NBPF26: variants seen among roughly 807,000 people sequenced by gnomAD.
NBPF26 encodes NBPF member 26.
NBPF26 carries 79 observed loss-of-function variants against 119.6 expected under a neutral mutation model. The observed-to-expected ratio is 0.66, with a 90% CI of 0.55 to 0.80. NBPF26 has a LOEUF of 0.80. NBPF26 is among the 30% of genes least tolerant of loss of function. The pLI is 0.00. For missense variants in NBPF26, 800 were observed against 1,198.2 expected, an observed-to-expected ratio of 0.67 and a Z score of 4.91; for synonymous variants, 299 against 457.7, an observed-to-expected ratio of 0.65 and a Z score of 4.43.
intron 1 of NBPF26, among the ~76,000 whole-genome samples, chr1:120,752,672 G>A (rs1482360616): frequency 2.3e-5 from 1 of 43,494 alleles, no homozygotes; most frequent in Non-Finnish European, 3.6e-5. Flanking sequence ...CCGGGTTCAT[G>A]CCATTCTCCT....
At chr1:120,842,127 TG>T (rs1165485048), downstream of NBPF26, among the ~76,000 whole-genome samples, 1 of 110,372 alleles carries the variant, frequency 9.1e-6, no homozygotes, top group East Asian at 2.2e-4. Context: ...ACTTTTGGAT[TG>T]TTTTTTACAT....
rs1369700797 is a variant in NBPF26, at chr1:120,816,832, C to T, written c.2371+5C>T. On this transcript the variant is annotated splice_donor_5th_base_variant and intron_variant, in intron 14 of 29. Coordinates refer to ENST00000620612, the Ensembl canonical transcript of NBPF26. ...ATGCTGTACACATTATTCCAGGTAG[C>T]CTCTGTTTTCCTTGTGTCTCATACC... 24 of 1,447,786 alleles carry T rather than the reference C, an allele frequency of 1.7e-5. 3 individuals carry two copies. Among genetic ancestry groups the T allele is most frequent in the Non-Finnish European group, 2.2e-5 (24 of 1,082,244 alleles). 89.7% of individuals were successfully genotyped at this position (1,447,786 alleles called of 1,614,324 possible). A position where few individuals can be genotyped will look rare whatever the true frequency, so the allele number is the denominator to read the frequency against.
Position 120,823,278 on chromosome 1 carries a change from T to A in NBPF26, c.2588-31T>A, listed in dbSNP as rs1652163548. Reference sequence around the variant, plus strand: ...CTGTGTGCAAGGAAGAACTGCTTAATGTAAGAGGGCCCATCTGAATTTATT... The same window carrying A: ...CTGTGTGCAAGGAAGAACTGCTTAAAGTAAGAGGGCCCATCTGAATTTATT... On this transcript the variant is annotated intron_variant, in intron 16 of 29. Transcript: ENST00000620612. 5.2e-6 allele frequency: 6 copies of A among 1,157,780 alleles called. 1 individual carries two copies. The highest frequency in any genetic ancestry group is 7.3e-6 in the Non-Finnish European group (6 of 826,548). The allele number at this position is 1,157,780 out of a possible 1,614,324, so 71.7% of individuals were successfully genotyped here.
At chr1:120,833,630 A>G in exon 24 of NBPF26, 1 of 562,400 alleles carries the variant, frequency 1.8e-6, no homozygotes, top group Non-Finnish European at 3.0e-6. Flanking sequence ...TGGATGAGAA[A>G]GGGCCTGAAG....
At chr1:120,819,198 C>G (rs1425463165) in intron 15 of NBPF26, among the ~76,000 whole-genome samples, 2 of 123,426 alleles carry the variant, frequency 1.6e-5, no homozygotes, top group South Asian at 2.4e-4. Flanking sequence ...ATAGTTAACT[C>G]TTCTTGTTGA....
In NBPF26 at chr1:120,822,082, C is replaced by A. The variant is rs1432828243; in HGVS notation, c.2424-22C>A. On this transcript the variant is annotated intron_variant, in intron 15 of 29. Coordinates refer to ENST00000620612, the Ensembl canonical transcript of NBPF26. ...TCTGTTGGTTAAATCTTCTGTCATCCCTGTCCTGCCTGGCTCATCAGGAAT... is the reference window on the plus strand; with the variant it reads ...TCTGTTGGTTAAATCTTCTGTCATCACTGTCCTGCCTGGCTCATCAGGAAT... 1.1e-5 allele frequency: 16 copies of A among 1,447,616 alleles called. 3 individuals carry two copies. In the Admixed American group the frequency reaches 1.5e-4, roughly 14 times the overall value. 89.7% of individuals were successfully genotyped at this position (1,447,616 alleles called of 1,614,324 possible).
intron 2 of NBPF26, among the ~76,000 whole-genome samples, chr1:120,764,410 A>G (rs1651167580): frequency 1.1e-5 from 1 of 94,478 alleles, no homozygotes; most frequent in African/African-American, 6.7e-5. Flanking sequence ...AGTATATGTG[A>G]ATATTATATT....
At chr1:120,815,571 T>C (rs1651990696) in intron 12 of NBPF26, among the ~76,000 whole-genome samples, 1 of 95,946 alleles carries the variant, frequency 1.0e-5, no homozygotes, top group African/African-American at 7.6e-5. Flanking sequence ...GCACTTTATG[T>C]GGGGGCGTTT....
At position 120,807,981 on chromosome 1, in the gene NBPF26, G is replaced by A. The variant is rs1310768503; in HGVS notation, c.1064+272G>A. On this transcript the variant is annotated intron_variant, in intron 6 of 29. Transcript: ENST00000620612. ...TAACACAAAATTTACCAAAGGAGTG[G>A]GAACCACCCAGCAGCATTCAGTATA... Among the ~76,000 whole-genome samples the A allele has an allele frequency of 4.9e-5, 6 of 122,098 alleles. 2 individuals carry two copies. The highest frequency in any genetic ancestry group is 8.0e-5 in the African/African-American group (2 of 25,102). 80.1% of individuals were successfully genotyped at this position (122,098 alleles called of 152,430 possible).
Position 120,727,813 on chromosome 1 carries a change from C to T in NBPF26, c.73+3563C>T, listed in dbSNP as rs1377553634. 7.6e-5 allele frequency among the ~76,000 whole-genome samples: 9 copies of T among 117,794 alleles called. 2 individuals are homozygous for T. Among genetic ancestry groups the T allele is most frequent in the African/African-American group, 2.0e-4 (4 of 20,246 alleles). 77.3% of individuals were successfully genotyped at this position (117,794 alleles called of 152,430 possible). On this transcript the variant is annotated intron_variant, in intron 1 of 29. Transcript: ENST00000620612. ...GATTTTCCTGTTTTTGTTTCCCCCCCTTTCTCTGCAAATGACTTGAAACCA... is the reference window on the plus strand; with the variant it reads ...GATTTTCCTGTTTTTGTTTCCCCCCTTTTCTCTGCAAATGACTTGAAACCA...
intron 4 of NBPF26, among the ~76,000 whole-genome samples, chr1:120,801,502 C>A (rs1277416940): frequency 1.3e-5 from 1 of 78,270 alleles, no homozygotes; most frequent in Non-Finnish European, 2.3e-5. Context: ...TTCCACATCT[C>A]CATGCCTTGT....
Position 120,781,784 on chromosome 1 carries a change from T to A in NBPF26, c.156-3190T>A, listed in dbSNP as rs1279999109. On this transcript the variant is annotated intron_variant, in intron 2 of 29. Transcript: ENST00000620612. ...TGTGTTAGCCAGGATGGTCTCGATC[T>A]CCTGACCTGGTGATCTGCCTGCCTC... Among the ~76,000 whole-genome samples, 130 of 116,800 alleles carry A rather than the reference T, an allele frequency of 1.1e-3. 23 individuals are homozygous for A. The highest frequency in any genetic ancestry group is 5.8e-3 in the African/African-American group (125 of 21,394). The allele number at this position is 116,800 out of a possible 152,430, so 76.6% of individuals were successfully genotyped here.
chr1:120,784,300 A>G (rs1371935349), intron 2 of NBPF26, among the ~76,000 whole-genome samples: 1 of 117,534 alleles, frequency 8.5e-6, no homozygotes, highest in Non-Finnish European at 1.6e-5. Flanking sequence ...GTTGTACCTC[A>G]TATGTAAGTA....
chr1:120,752,561 TTTTTTTTTTTTTTC>T (rs1651034164), intron 1 of NBPF26, among the ~76,000 whole-genome samples: 2 of 26,412 alleles, frequency 7.6e-5, no homozygotes, highest in African/African-American at 7.5e-4. Context: ...TATATTTTTT[TTTTTTTTTTTTTTC>T]TTTTTTTTTT....
chr1:120,752,554 ATTTTTTTTTTTTTTT>A (rs1188849971), intron 1 of NBPF26, among the ~76,000 whole-genome samples: 2 of 3,744 alleles, frequency 5.3e-4, no homozygotes, highest in East Asian at 0.019. Flanking sequence ...ATATATATAT[ATTTTTTTTTTTTTTT>A]TTTTTCTTTT....
In NBPF26 at chr1:120,811,367, G is replaced by A. The variant is rs1394564244; in HGVS notation, c.1565-519G>A. Among the ~76,000 whole-genome samples the A allele has an allele frequency of 4.3e-4, 48 of 111,064 alleles. 16 individuals are homozygous for A. Among genetic ancestry groups the A allele is most frequent in the African/African-American group, 1.2e-3 (22 of 19,004 alleles). The allele number at this position is 111,064 out of a possible 152,430, so 72.9% of individuals were successfully genotyped here. The stretch of plus-strand genomic sequence containing the variant: ...TCAAAACCAGCCTGTCCAAGATGGC[G>A]AAACCCCATCTCTACTAAAAATACA... On this transcript the variant is annotated intron_variant, in intron 9 of 29. Transcript: ENST00000620612.
At chr1:120,833,397 G>C (rs1490753377) in intron 23 of NBPF26, among the ~76,000 whole-genome samples, 4 of 80,330 alleles carry the variant, frequency 5.0e-5, no homozygotes, top group African/African-American at 1.4e-4. Flanking sequence ...CTCTGTCTCT[G>C]TCTCTCTCTC....
Position 120,724,382 on chromosome 1 carries a change from G to C in NBPF26, c.73+132G>C, listed in dbSNP as rs1198548539. 2.2e-5 allele frequency: 29 copies of C among 1,347,462 alleles called. 6 individuals carry two copies. In the East Asian group the frequency reaches 7.6e-4, roughly 35 times the overall value. The allele number at this position is 1,347,462 out of a possible 1,614,324, so 83.5% of individuals were successfully genotyped here. On this transcript the variant is annotated intron_variant, in intron 1 of 29. Transcript: ENST00000620612. The stretch of plus-strand genomic sequence containing the variant: ...CCGGCGCGGAGTGAGGCCACTCGCT[G>C]GGTTCCCAAGAGTTTGGACATCGCC...
Position 120,816,970 on chromosome 1 carries a change from T to C in NBPF26, c.2371+143T>C. 2.7e-6 allele frequency: 3 copies of C among 1,125,640 alleles called. No homozygotes were observed. In the South Asian group the frequency reaches 4.4e-5, roughly 17 times the overall value. 69.7% of individuals were successfully genotyped at this position (1,125,640 alleles called of 1,614,324 possible). A position where few individuals can be genotyped will look rare whatever the true frequency, so the allele number is the denominator to read the frequency against. On this transcript the variant is annotated intron_variant, in intron 14 of 29. Coordinates refer to ENST00000620612, the Ensembl canonical transcript of NBPF26. ...CAGATATCAGGGAGTTTTTTGTCCTTCTCAGCTAATGTCATGACTTTGTCT... is the reference window on the plus strand; with the variant it reads ...CAGATATCAGGGAGTTTTTTGTCCTCCTCAGCTAATGTCATGACTTTGTCT...
Sources: gnomAD v4.1 joint callset for allele counts (sites outside exome capture counted in the v4.1 genomes callset) on GRCh38, gnomAD v4.1.1 for gene constraint, MANE v1.5 for transcripts, NCBI Gene and HGNC (gene_info 2026-07-23, HGNC 2026-07-21) for gene names.